Variants in SORL1 observed in about 807,000 individuals in gnomAD.
The protein encoded by SORL1 is sortilin-related receptor.
SORL1 carries 127 observed loss-of-function variants against 273.7 expected under a neutral mutation model. The observed-to-expected ratio is 0.46, with a 90% CI of 0.40 to 0.54. SORL1 has a LOEUF of 0.54. Among genes scored for constraint, SORL1 ranks in the 20% least tolerant of loss-of-function variants. The pLI is 0.00. For missense variants in SORL1, 2,494 were observed against 2,846.1 expected (o/e 0.88, Z 2.81); for synonymous variants, 1,031 against 1,067.4 (o/e 0.97, Z 0.66).
At chr11:121,572,426 C>T (rs1467621698) in intron 23 of SORL1, among the ~76,000 whole-genome samples, 7 of 152,128 alleles carry the variant, frequency 4.6e-5, no homozygotes, top group Non-Finnish European at 7.4e-5. Flanking sequence ...CTTTCTGCTC[C>T]GTCGTCTCCC....
At chr11:121,527,159 A>G (rs899755021) in intron 11 of SORL1, among the ~76,000 whole-genome samples, 20 of 150,818 alleles carry the variant, frequency 1.3e-4, no homozygotes, top group African/African-American at 4.6e-4. Context: ...TTCTTTATCA[A>G]CATTTGGGAA....
chr11:121,512,295 T>A (rs1250283367), intron 6 of SORL1, among the ~76,000 whole-genome samples: 1 of 152,236 alleles, frequency 6.6e-6, no homozygotes, highest in Non-Finnish European at 1.5e-5. Context: ...GAGAGATTTC[T>A]ATCATTTTCT....
At chr11:121,482,915 A>G (rs917479548) in intron 3 of SORL1, among the ~76,000 whole-genome samples, 4 of 152,156 alleles carry the variant, frequency 2.6e-5, no homozygotes, top group African/African-American at 4.8e-5. Context: ...TTGTGGGCCC[A>G]TGTGAGTTTT....
At chr11:121,611,021 C>G in intron 38 of SORL1, 55 bp from the exon 39 acceptor site, 1 of 1,192,048 alleles carries the variant, frequency 8.4e-7, no homozygotes, top group Non-Finnish European at 1.3e-6. Context: ...TTAAGTCCTG[C>G]CTTCCTCACT....
chr11:121,548,712 G>A (rs1862467476), intron 14 of SORL1, among the ~76,000 whole-genome samples: 1 of 152,078 alleles, frequency 6.6e-6, no homozygotes, highest in Admixed American at 6.5e-5. Context: ...GATTACAGGT[G>A]CGTGCCACCA....
Position 121,524,151 on chromosome 11 carries a change from G to C in SORL1, c.1596+1162G>C, listed in dbSNP as rs139377890. Among the ~76,000 whole-genome samples the C allele has an allele frequency of 7.4e-4, 112 of 152,374 alleles. No homozygotes were observed. The East Asian group carries it at 0.016, about 21-fold the overall frequency. On this transcript the variant is annotated intron_variant, in intron 11 of 47. Coordinates refer to ENST00000260197, the MANE Select transcript of SORL1 (RefSeq NM_003105.6). ...CAGTTTGAATGGAAATTTTCGGGTT[G>C]TCCTTGTGCAGCTCCCAAGGGAAGA...
chr11:121,594,510 T>C (rs1447523578), intron 31 of SORL1, among the ~76,000 whole-genome samples: 3 of 152,140 alleles, frequency 2.0e-5, no homozygotes, highest in Non-Finnish European at 4.4e-5. Context: ...TTTTTCATCT[T>C]TGTTGTCATG....
chr11:121,603,876 T>G (rs1012482632), intron 32 of SORL1, among the ~76,000 whole-genome samples: 2 of 152,218 alleles, frequency 1.3e-5, no homozygotes, highest in African/African-American at 4.8e-5. Flanking sequence ...GTGATGGAAT[T>G]GTTACTTCCA....
At chr11:121,507,588 A>G (rs1321211674) in intron 6 of SORL1, among the ~76,000 whole-genome samples, 1 of 149,322 alleles carries the variant, frequency 6.7e-6, no homozygotes, top group East Asian at 2.0e-4. Flanking sequence ...ATACTTTTCA[A>G]CTCCCAAATT....
At chr11:121,465,079 A>G (rs1441891204) in intron 1 of SORL1, among the ~76,000 whole-genome samples, 1 of 152,314 alleles carries the variant, frequency 6.6e-6, no homozygotes, top group Non-Finnish European at 1.5e-5. Flanking sequence ...TGAACTTAAT[A>G]TCGCCGCAAT....
intron 16 of SORL1, among the ~76,000 whole-genome samples, chr11:121,551,774 T>C (rs1862510914): frequency 6.6e-6 from 1 of 152,230 alleles, no homozygotes; most frequent in Non-Finnish European, 1.5e-5. Flanking sequence ...AGTTCGTTAG[T>C]CCCTTAATTT....
intron 1 of SORL1, among the ~76,000 whole-genome samples, chr11:121,461,032 G>A (rs1026443878): frequency 2.0e-5 from 3 of 152,098 alleles, no homozygotes; most frequent in African/African-American, 4.8e-5. Flanking sequence ...GAGCAGAGTG[G>A]GGTGAGTGTC....
chr11:121,476,927 G>A (rs1171058114), intron 2 of SORL1, among the ~76,000 whole-genome samples: 1 of 151,766 alleles, frequency 6.6e-6, no homozygotes, highest in Non-Finnish European at 1.5e-5. Context: ...AACTAACTGA[G>A]ACTACAGGCT....
intron 8 of SORL1, among the ~76,000 whole-genome samples, chr11:121,519,243 G>A (rs1861999253): frequency 6.6e-6 from 1 of 152,088 alleles, no homozygotes; most frequent in African/African-American, 2.4e-5. Context: ...ACCATGCCCG[G>A]CCAAGCTTCC....
chr11:121,602,764 TC>T (rs1358717477), intron 32 of SORL1, among the ~76,000 whole-genome samples: 1 of 152,198 alleles, frequency 6.6e-6, no homozygotes, highest in East Asian at 1.9e-4. Flanking sequence ...CTTTATTTCC[TC>T]AGGGCTTAGT....
intron 24 of SORL1, among the ~76,000 whole-genome samples, chr11:121,574,889 A>G (rs1398432619): frequency 6.6e-6 from 1 of 152,066 alleles, no homozygotes; most frequent in Non-Finnish European, 1.5e-5. Context: ...CTTGGCCCAC[A>G]TGTCTCAGTG....
chr11:121,531,801 T>C (rs1862205882), intron 11 of SORL1, among the ~76,000 whole-genome samples: 1 of 152,258 alleles, frequency 6.6e-6, no homozygotes, highest in Admixed American at 6.5e-5. Context: ...CTCTCTGCTA[T>C]GGGATTCCAT....
At chr11:121,457,602 A>G (rs958657303) in intron 1 of SORL1, among the ~76,000 whole-genome samples, 1 of 152,240 alleles carries the variant, frequency 6.6e-6, no homozygotes, top group Non-Finnish European at 1.5e-5. Context: ...CTGAAGTATC[A>G]TAATATAAAA....
intron 24 of SORL1, among the ~76,000 whole-genome samples, chr11:121,574,737 CT>C (rs1454795584): frequency 6.6e-6 from 1 of 152,182 alleles, no homozygotes; most frequent in Non-Finnish European, 1.5e-5. Flanking sequence ...GTCACTTACT[CT>C]TAGATTAGCC....
Sources: allele counts gnomAD v4.1 joint callset (sites outside exome capture counted in the v4.1 genomes callset), GRCh38; gene constraint gnomAD v4.1.1; transcripts MANE v1.5; gene names NCBI Gene and HGNC (gene_info 2026-07-23, HGNC 2026-07-21).